The following ERBIN variants were observed in gnomAD, a reference collection of about 807,000 sequenced individuals.
ERBIN encodes the protein erbb2 interacting protein.
Under a neutral mutation model 158.4 loss-of-function variants are expected in ERBIN, and 60 were observed. The ratio of observed to expected loss-of-function variants is 0.38; its 90% CI spans 0.31 to 0.47. The LOEUF is 0.47. ERBIN is among the 20% of genes least tolerant of loss of function. The probability of loss-of-function intolerance (pLI) is 0.99; values close to 1 mark genes in which losing one functional copy is unlikely to be tolerated. For missense variants in ERBIN, 1,610 were observed against 1,648.0 expected (o/e 0.98, Z 0.40); for synonymous variants, 594 against 557.2 (o/e 1.07, Z -0.93).
chr5:65,983,072 G>A (rs191576153), intron 1 of ERBIN, among the ~76,000 whole-genome samples: 26 of 152,320 alleles, frequency 1.7e-4, no homozygotes, highest in Admixed American at 1.4e-3. Flanking sequence ...TTTTGCAAAT[G>A]TAAGGATTCC....
intron 14 of ERBIN, among the ~76,000 whole-genome samples, chr5:66,033,735 G>C (rs1017906350): frequency 6.6e-6 from 1 of 152,170 alleles, no homozygotes; most frequent in African/African-American, 2.4e-5. Flanking sequence ...TTGATAGCTA[G>C]CAGCAGGAAA....
At chr5:65,961,101 A>G (rs887972369) in intron 1 of ERBIN, 1 of 152,202 alleles carries the variant, frequency 6.6e-6, no homozygotes, top group Non-Finnish European at 1.5e-5. Flanking sequence ...AAACATTCCA[A>G]TTTTAGGTCC....
At chr5:65,971,031 A>G (rs901466609) in intron 1 of ERBIN, among the ~76,000 whole-genome samples, 8 of 152,234 alleles carry the variant, frequency 5.3e-5, no homozygotes, top group African/African-American at 1.7e-4. Flanking sequence ...AGCATCAGAA[A>G]GCCAAATATG....
rs767965986 is a variant in ERBIN at position 66,054,323 on chromosome 5, A to G, written c.3005A>G (p.His1002Arg). 6.2e-7 allele frequency: 1 copy of G among 1,614,206 alleles called. No individual in the cohort carries two copies. The highest frequency in any genetic ancestry group is 8.5e-7 in the Non-Finnish European group (1 of 1,180,026). The change falls in exon 21 of 26, where the codon CAT becomes CGT. Residue 1002 changes from histidine to arginine, a missense_variant. By Grantham distance (29) the His-to-Arg change is conservative. Transcript: ENST00000284037. ...WHSKQNPQID[H>R]ASFPPQLLPR... is the part of the protein sequence containing the mutation. ...TCCAAACAAAATCCCCAAATAGACCATGCCAGTTTTCCTCCTCAGCTCCTT... is the reference window on the plus strand; with the variant it reads ...TCCAAACAAAATCCCCAAATAGACCGTGCCAGTTTTCCTCCTCAGCTCCTT...
intron 1 of ERBIN, among the ~76,000 whole-genome samples, chr5:65,942,903 G>A (rs1315035111): frequency 1.4e-5 from 1 of 73,900 alleles, no homozygotes; most frequent in Non-Finnish European, 2.7e-5. Flanking sequence ...GCGAGACTCC[G>A]TCTCCAAAAA....
In ERBIN at chr5:65,992,893, G is replaced by T; in HGVS notation, c.175G>T (p.Glu59Ter). 1 of 1,596,340 alleles carries T rather than the reference G, an allele frequency of 6.3e-7. No homozygotes were observed. Among genetic ancestry groups the T allele is most frequent in the South Asian group, 1.1e-5 (1 of 87,118 alleles). ...ACTCTATTTAGATGCTAATCAGATT[G>T]AAGAGCTTCCAAAGGTATGCTAATA... ...EELYLDANQI[E>*]ELPKQLFNCQ... Residue 59 changes from glutamate to a stop codon, truncating the protein, a stop_gained, in exon 3 of 26, where the codon GAA (glutamate) becomes TAA (stop). Coordinates refer to ENST00000284037, the MANE Select transcript of ERBIN (RefSeq NM_001253697.2). LOFTEE classifies it high-confidence loss of function.
chr5:66,044,408 AG>A, intron 17 of ERBIN, 98 bp downstream of exon 17: 2 of 1,088,760 alleles, frequency 1.8e-6, no homozygotes, highest in Non-Finnish European at 2.6e-6. Flanking sequence ...CTGAATGTGC[AG>A]TCATGCACCA....
chr5:66,013,472 C>A (rs948081815), intron 5 of ERBIN, 77 bp from the exon 6 acceptor site: 3 of 1,029,248 alleles, frequency 2.9e-6, no homozygotes, highest in African/African-American at 1.6e-5. Flanking sequence ...GGGAAAATAT[C>A]TTGTGAGAGT....
chr5:66,003,503 G>T (rs1753217729), intron 4 of ERBIN, among the ~76,000 whole-genome samples: 1 of 152,168 alleles, frequency 6.6e-6, no homozygotes, highest in Non-Finnish European at 1.5e-5. Context: ...GTTGATTAGA[G>T]TAGAACTAAA....
rs869119758 is a variant in ERBIN, at chr5:66,050,226, C to CTTT, written c.1904-523_1904-521dup. 2.6e-3 allele frequency among the ~76,000 whole-genome samples: 25 copies of CTTT among 9,760 alleles called. 12 individuals are homozygous for CTTT. Among genetic ancestry groups the CTTT allele is most frequent in the Admixed American group, 0.011 (10 of 882 alleles). The allele number at this position is 9,760 out of a possible 152,430, so 6.4% of individuals were successfully genotyped here. Reference sequence around the variant, plus strand: ...ACCTTGTCAGTAACTAAATCGAATTCTTTTTTTTTTTTTTTTTTTTTTTTT... The same window carrying CTTT: ...ACCTTGTCAGTAACTAAATCGAATTCTTTTTTTTTTTTTTTTTTTTTTTTTTTT... On this transcript the variant is annotated intron_variant, in intron 19 of 25. Coordinates refer to ENST00000284037, the MANE Select transcript of ERBIN (RefSeq NM_001253697.2).
intron 3 of ERBIN, among the ~76,000 whole-genome samples, chr5:65,993,136 T>C (rs149682510): frequency 8.9e-4 from 135 of 152,320 alleles, no homozygotes; most frequent in African/African-American, 3.2e-3. Context: ...TAAAATTTTG[T>C]ATTTAATTTT....
intron 1 of ERBIN, among the ~76,000 whole-genome samples, chr5:65,940,137 G>A (rs1042995990): frequency 3.3e-5 from 5 of 151,234 alleles, no homozygotes; most frequent in African/African-American, 7.3e-5. Context: ...CATCTAGGAA[G>A]TGAGGAGCGT....
At chr5:65,966,497 A>T (rs1352844265) in intron 1 of ERBIN, among the ~76,000 whole-genome samples, 2 of 152,118 alleles carry the variant, frequency 1.3e-5, no homozygotes, top group Non-Finnish European at 2.9e-5. Flanking sequence ...CCTGACCAAC[A>T]TGGAGAAACC....
At chr5:66,076,982 T>G (rs1428216996) in intron 25 of ERBIN, 33 bp downstream of exon 25, 2 of 1,382,296 alleles carry the variant, frequency 1.4e-6, no homozygotes, top group Non-Finnish European at 2.0e-6. Flanking sequence ...TTTTTCATTT[T>G]ATAACACTCT....
Position 66,081,926 on chromosome 5 carries a change from G to C in ERBIN, c.*3396G>C, listed in dbSNP as rs1430688466. The C allele has an allele frequency of 6.6e-6, 1 of 151,498 alleles. No homozygotes were observed. The highest frequency in any genetic ancestry group is 1.5e-5 in the Non-Finnish European group (1 of 67,868). The allele number at this position is 151,498 out of a possible 1,614,324, so 9.4% of individuals were successfully genotyped here. ...AAAAAAAAAAAGAAAAAGTAATCTA[G>C]ACAGGCAGCCAACTCAGACCTTTGG... is the stretch of plus-strand genomic sequence containing the variant. On this transcript the variant is annotated 3_prime_UTR_variant, in exon 26 of 26. Transcript: ENST00000284037.
chr5:66,007,511 C>A (rs1351547633), intron 4 of ERBIN, among the ~76,000 whole-genome samples: 1 of 149,680 alleles, frequency 6.7e-6, no homozygotes, highest in Non-Finnish European at 1.5e-5. Flanking sequence ...CAAACCTGCA[C>A]GTTGTGCACA....
At chr5:65,942,927 A>T (rs2150891586) in intron 1 of ERBIN, among the ~76,000 whole-genome samples, 1 of 64,390 alleles carries the variant, frequency 1.6e-5, no homozygotes, top group African/African-American at 3.5e-5. Flanking sequence ...AAAAAAAAAT[A>T]GACTTTAAGT....
At chr5:65,940,485 C>CG (rs1744780378) in intron 1 of ERBIN, among the ~76,000 whole-genome samples, 1 of 129,904 alleles carries the variant, frequency 7.7e-6, no homozygotes, top group Non-Finnish European at 1.7e-5. Context: ...GTCCCCCCCC[C>CG]CCCGGCCAGC....
At chr5:65,990,035 A>G (rs1234151483) in intron 2 of ERBIN, among the ~76,000 whole-genome samples, 1 of 152,276 alleles carries the variant, frequency 6.6e-6, no homozygotes, top group Non-Finnish European at 1.5e-5. Flanking sequence ...ATGCCTTAAT[A>G]TAAACAAAGA....
Sources: gnomAD v4.1 joint callset for allele counts (sites outside exome capture counted in the v4.1 genomes callset) on GRCh38, gnomAD v4.1.1 for gene constraint, MANE v1.5 for transcripts, NCBI Gene and HGNC (gene_info 2026-07-23, HGNC 2026-07-21) for gene names.